PRKG1: variants seen among roughly 807,000 people sequenced by gnomAD.
The protein encoded by PRKG1 is protein kinase cGMP-dependent 1, also known as cGMP-dependent protein kinase 1.
In PRKG1, 35 loss-of-function variants were observed where a neutral mutation model predicts 88.1. The ratio of observed to expected loss-of-function variants is 0.40; its 90% CI spans 0.30 to 0.53. The LOEUF is 0.53. Among genes scored for constraint, PRKG1 ranks in the 20% least tolerant of loss-of-function variants. The pLI is 0.59. For synonymous variants in PRKG1, 303 were observed against 292.5 expected (o/e 1.04, Z -0.37); for missense variants, 540 against 839.8 (o/e 0.64, Z 4.41).
At chr10:51,757,109 T>C (rs529759083) in intron 3 of PRKG1, among the ~76,000 whole-genome samples, 239 of 152,150 alleles carry the variant, frequency 1.6e-3, no homozygotes, top group African/African-American at 5.5e-3. Flanking sequence ...TTATTTTATT[T>C]TTATTTTTAT....
intron 3 of PRKG1, among the ~76,000 whole-genome samples, chr10:51,795,348 T>C (rs1838982048): frequency 6.6e-6 from 1 of 152,112 alleles, no homozygotes; most frequent in African/African-American, 2.4e-5. Flanking sequence ...TTATCTGCAG[T>C]GTCCAATTTT....
intron 2 of PRKG1, among the ~76,000 whole-genome samples, chr10:51,164,545 G>A (rs544510741): frequency 2.4e-4 from 37 of 152,226 alleles, no homozygotes; most frequent in Middle Eastern, 3.4e-3. Flanking sequence ...AAAGCTGGAC[G>A]GAGAATGACT....
intron 3 of PRKG1, among the ~76,000 whole-genome samples, chr10:51,758,189 G>T (rs925773231): frequency 6.6e-6 from 1 of 152,070 alleles, no homozygotes; most frequent in South Asian, 2.1e-4. Context: ...GTCCGTGTAC[G>T]TACAGTCTAT....
chr10:52,040,130 TTAAG>T (rs1845720038), intron 5 of PRKG1, among the ~76,000 whole-genome samples: 1 of 152,162 alleles, frequency 6.6e-6, no homozygotes, highest in Non-Finnish European at 1.5e-5. Context: ...AAGAGAAAGG[TTAAG>T]TGTTTATTTT....
intron 4 of PRKG1, among the ~76,000 whole-genome samples, chr10:51,850,401 T>C (rs1259391340): frequency 6.6e-6 from 1 of 152,080 alleles, no homozygotes; most frequent in Non-Finnish European, 1.5e-5. Context: ...GGTCGCAAAT[T>C]CCTGACCTCA....
At chr10:51,029,763 C>T (rs1005007450) in intron 1 of PRKG1, among the ~76,000 whole-genome samples, 41 of 152,216 alleles carry the variant, frequency 2.7e-4, no homozygotes, top group South Asian at 4.2e-4. Flanking sequence ...CAAATGAAAT[C>T]GTGGCTTTGA....
chr10:51,350,208 C>T (rs557746717), intron 2 of PRKG1, among the ~76,000 whole-genome samples: 1 of 152,290 alleles, frequency 6.6e-6, no homozygotes, highest in South Asian at 2.1e-4. Flanking sequence ...ACTCACATGG[C>T]CTCAGCCAGT....
chr10:52,245,927 G>A (rs1040899589), intron 9 of PRKG1, among the ~76,000 whole-genome samples: 3 of 151,972 alleles, frequency 2.0e-5, no homozygotes, highest in Non-Finnish European at 4.4e-5. Context: ...TGGAACTATA[G>A]TTATGTTCCT....
At chr10:52,240,827 A>T (rs1005640949) in intron 9 of PRKG1, among the ~76,000 whole-genome samples, 1 of 152,098 alleles carries the variant, frequency 6.6e-6, no homozygotes, top group Non-Finnish European at 1.5e-5. Flanking sequence ...AGTTGTTTGG[A>T]CCCTGGATAC....
chr10:51,701,834 C>G lies in PRKG1; in HGVS notation c.593-102751C>G, dbSNP rs16921680. On this transcript the variant is annotated intron_variant, in intron 3 of 17. Coordinates refer to ENST00000373980, the MANE Select transcript of PRKG1 (RefSeq NM_006258.4). ...AGAGTTTCTTTACTGCTGATACTGT[C>G]TAAACCAGTGGTCTTCACATGTAGC... 2.5e-3 allele frequency among the ~76,000 whole-genome samples: 378 copies of G among 152,312 alleles called. 12 individuals are homozygous for G. In the East Asian group the frequency reaches 0.069, roughly 28 times the overall value.
intron 3 of PRKG1, among the ~76,000 whole-genome samples, chr10:51,652,448 T>A (rs1414981753): frequency 2.6e-5 from 4 of 152,054 alleles, no homozygotes; most frequent in Non-Finnish European, 5.9e-5. Flanking sequence ...ATCTCTTAAA[T>A]ATAGATTTTA....
At chr10:52,212,259 GGC>G (rs2132805296) in intron 9 of PRKG1, among the ~76,000 whole-genome samples, 1 of 152,272 alleles carries the variant, frequency 6.6e-6, no homozygotes, top group African/African-American at 2.4e-5. Flanking sequence ...TTGAGCAATC[GGC>G]CACCAGTGAT....
chr10:51,124,398 G>A, intron 1 of PRKG1, among the ~76,000 whole-genome samples: 1 of 151,822 alleles, frequency 6.6e-6, no homozygotes, highest in South Asian at 2.1e-4. Context: ...GGATGGAGAG[G>A]GTCTTTTTCT....
chr10:51,919,684 T>G (rs1018544371), intron 5 of PRKG1, among the ~76,000 whole-genome samples: 4 of 152,082 alleles, frequency 2.6e-5, no homozygotes, highest in African/African-American at 7.2e-5. Flanking sequence ...ACCTTTTTTT[T>G]TTAAAGTGGC....
intron 8 of PRKG1, among the ~76,000 whole-genome samples, chr10:52,146,836 T>A (rs1837741830): frequency 6.6e-6 from 1 of 152,218 alleles, no homozygotes. Flanking sequence ...TTTTAAATTA[T>A]TGCCTAGAAT....
Position 52,106,405 on chromosome 10 carries a change from G to C in PRKG1, c.936-27435G>C, listed in dbSNP as rs534812926. ...ATATTTGCAAAATCTGTATTTTTAC[G>C]TACTACCTCTGGCAACCTTTTCCTC... On this transcript the variant is annotated intron_variant, in intron 7 of 17. Coordinates refer to ENST00000373980, the MANE Select transcript of PRKG1 (RefSeq NM_006258.4). Among the ~76,000 whole-genome samples, 6 of 152,158 alleles carry C rather than the reference G, an allele frequency of 3.9e-5. No individual in the cohort carries two copies. The East Asian group carries it at 9.6e-4, about 24-fold the overall frequency.
chr10:51,236,315 T>C (rs1218109595), intron 2 of PRKG1, among the ~76,000 whole-genome samples: 1 of 152,192 alleles, frequency 6.6e-6, no homozygotes, highest in Non-Finnish European at 1.5e-5. Flanking sequence ...AATGCCATTT[T>C]ATATTATTTT....
intron 4 of PRKG1, among the ~76,000 whole-genome samples, chr10:51,839,808 C>T (rs1488481300): frequency 6.6e-6 from 1 of 152,188 alleles, no homozygotes; most frequent in Admixed American, 6.5e-5. Flanking sequence ...CCCATGAGGG[C>T]TGCCCCAAGG....
At chr10:51,174,037 C>T (rs1180327056) in intron 2 of PRKG1, among the ~76,000 whole-genome samples, 1 of 151,676 alleles carries the variant, frequency 6.6e-6, no homozygotes, top group African/African-American at 2.4e-5. Flanking sequence ...ATATTTTTGA[C>T]TTAGGGAGGC....
Sources: gnomAD v4.1 joint callset for allele counts (sites outside exome capture counted in the v4.1 genomes callset) on GRCh38, gnomAD v4.1.1 for gene constraint, MANE v1.5 for transcripts, NCBI Gene and HGNC (gene_info 2026-07-23, HGNC 2026-07-21) for gene names.